RGL1: variants seen among roughly 807,000 people sequenced by gnomAD.
The protein encoded by RGL1 is ral guanine nucleotide dissociation stimulator like 1.
In RGL1, 24 loss-of-function variants were observed where a neutral mutation model predicts 95.2. That is an observed-to-expected ratio of 0.25 (90% CI 0.18 to 0.35). RGL1 has a LOEUF of 0.35. Among genes scored for constraint, RGL1 ranks in the 10% least tolerant of loss-of-function variants. The probability of loss-of-function intolerance (pLI) is 1.00; values close to 1 mark genes in which losing one functional copy is unlikely to be tolerated. For synonymous variants in RGL1, 329 were observed against 344.9 expected (o/e 0.95, Z 0.51); for missense variants, 715 against 936.3 (o/e 0.76, Z 3.08).
intron 2 of RGL1, among the ~76,000 whole-genome samples, chr1:183,748,820 T>C (rs1020612585): frequency 2.0e-5 from 3 of 152,228 alleles, no homozygotes; most frequent in African/African-American, 7.2e-5. Context: ...ATACATTGTA[T>C]CTTTGTTCTC....
At chr1:183,910,572 CT>C (rs1668588112) in intron 14 of RGL1, among the ~76,000 whole-genome samples, 1 of 152,202 alleles carries the variant, frequency 6.6e-6, no homozygotes, top group Non-Finnish European at 1.5e-5. Flanking sequence ...CTCTCCATGT[CT>C]TCTGGAACTC....
chr1:183,893,634 T>A (rs1183287611), intron 9 of RGL1, among the ~76,000 whole-genome samples: 1 of 152,216 alleles, frequency 6.6e-6, no homozygotes, highest in Admixed American at 6.5e-5. Context: ...TCTTCATGAC[T>A]GTTCCTGTCC....
chr1:183,647,182 A>G (rs999730089), intron 1 of RGL1: 1 of 153,034 alleles, frequency 6.5e-6, no homozygotes, highest in African/African-American at 2.4e-5. Flanking sequence ...GAATCACTTT[A>G]GAAAAAAATG....
chr1:183,839,357 A>T (rs1021686270), intron 2 of RGL1, among the ~76,000 whole-genome samples: 5 of 152,152 alleles, frequency 3.3e-5, no homozygotes, highest in African/African-American at 4.8e-5. Context: ...TGACACCATT[A>T]CCTTTCCAGC....
chr1:183,660,378 G>A (rs1651524241), intron 1 of RGL1, among the ~76,000 whole-genome samples: 1 of 150,342 alleles, frequency 6.7e-6, no homozygotes, highest in Non-Finnish European at 1.5e-5. Context: ...CCAAGCAAAT[G>A]CAAAACACAA....
At chr1:183,905,578 C>G (rs1179857699) in intron 13 of RGL1, among the ~76,000 whole-genome samples, 1 of 152,162 alleles carries the variant, frequency 6.6e-6, no homozygotes, top group African/African-American at 2.4e-5. Context: ...CAAGCAAAAG[C>G]TTGGTGGCCT....
At chr1:183,725,025 G>C (rs974798576) in intron 1 of RGL1, among the ~76,000 whole-genome samples, 1 of 152,016 alleles carries the variant, frequency 6.6e-6, no homozygotes, top group African/African-American at 2.4e-5. Flanking sequence ...AACGGACTCT[G>C]TTTCTTTGGG....
At chr1:183,721,824 G>T (rs1199637192) in intron 1 of RGL1, among the ~76,000 whole-genome samples, 2 of 152,178 alleles carry the variant, frequency 1.3e-5, no homozygotes, top group Non-Finnish European at 2.9e-5. Context: ...TCTTGGTTTA[G>T]CTCCCTTGCC....
In RGL1 at chr1:183,724,757, G is replaced by A. The variant is rs946614401; in HGVS notation, c.-32-17369G>A. Among the ~76,000 whole-genome samples the A allele has an allele frequency of 6.6e-6, 1 of 152,052 alleles. No individual in the cohort carries two copies. On this transcript the variant is annotated intron_variant, in intron 1 of 18. Transcript: ENST00000304685. The surrounding 1 kb of genome is among the most constrained non-coding windows in gnomAD (Gnocchi z 4.1). ...TGGGGGGAGCTTGCCATCCTTAAGCGAAGGACATGAGCATGGCTGTTTTCA... is the reference window on the plus strand; with the variant it reads ...TGGGGGGAGCTTGCCATCCTTAAGCAAAGGACATGAGCATGGCTGTTTTCA...
chr1:183,811,727 C>T (rs1256111034), intron 2 of RGL1, among the ~76,000 whole-genome samples: 1 of 152,106 alleles, frequency 6.6e-6, no homozygotes, highest in Non-Finnish European at 1.5e-5. Flanking sequence ...GAATATGTGA[C>T]ATGTAATCAA....
At position 183,672,083 on chromosome 1, in the gene RGL1, C is replaced by T. The variant is rs542340603; in HGVS notation, c.-33+35582C>T. Among the ~76,000 whole-genome samples the T allele has an allele frequency of 1.4e-3, 219 of 152,142 alleles. 1 individual carries two copies. The highest frequency in any genetic ancestry group is 2.1e-3 in the Non-Finnish European group (142 of 67,994). On this transcript the variant is annotated intron_variant, in intron 1 of 18. Transcript: ENST00000304685. ...GAGTAGCTGGGATTACAGGCACCCACCACCATGCCTGGCTAATTTTTGTAT... is the reference window on the plus strand; with the variant it reads ...GAGTAGCTGGGATTACAGGCACCCATCACCATGCCTGGCTAATTTTTGTAT...
At chr1:183,919,934 A>G (rs1399830222) in intron 16 of RGL1, among the ~76,000 whole-genome samples, 1 of 152,234 alleles carries the variant, frequency 6.6e-6, no homozygotes, top group Non-Finnish European at 1.5e-5. Context: ...CAGATTTTGA[A>G]CACTTAGTAC....
At chr1:183,925,372 A>G (rs1295812660) in intron 17 of RGL1, among the ~76,000 whole-genome samples, 1 of 152,182 alleles carries the variant, frequency 6.6e-6, no homozygotes, top group East Asian at 1.9e-4. Context: ...ATTAGGACAA[A>G]TATCTAATGC....
intron 1 of RGL1, among the ~76,000 whole-genome samples, chr1:183,714,889 G>A (rs1359287150): frequency 1.3e-5 from 2 of 152,162 alleles, no homozygotes; most frequent in Non-Finnish European, 2.9e-5. Flanking sequence ...ACTGGGAGTT[G>A]GAGGCAGTCT....
chr1:183,867,720 G>T (rs183205417), intron 4 of RGL1, among the ~76,000 whole-genome samples: 1 of 152,200 alleles, frequency 6.6e-6, no homozygotes, highest in Admixed American at 6.5e-5. Flanking sequence ...CGGGGGTGGG[G>T]GCCATTGTAG....
intron 1 of RGL1, among the ~76,000 whole-genome samples, chr1:183,646,154 A>G (rs1417371056): frequency 6.6e-6 from 1 of 152,246 alleles, no homozygotes; most frequent in African/African-American, 2.4e-5. Context: ...AATTGTGGAC[A>G]TAGGATTTCA....
intron 1 of RGL1, among the ~76,000 whole-genome samples, chr1:183,665,911 A>G (rs992148020): frequency 7.1e-6 from 1 of 140,068 alleles, no homozygotes; most frequent in Non-Finnish European, 1.6e-5. Flanking sequence ...TTATTATTTC[A>G]TTTTTTTCTG....
chr1:183,793,704 A>G (rs1259874062), intron 2 of RGL1, among the ~76,000 whole-genome samples: 1 of 152,158 alleles, frequency 6.6e-6, no homozygotes, highest in Non-Finnish European at 1.5e-5. Context: ...ATCATCAGGG[A>G]AAGACAAAAA....
chr1:183,831,065 G>A (rs1663226977), intron 2 of RGL1, among the ~76,000 whole-genome samples: 1 of 152,120 alleles, frequency 6.6e-6, no homozygotes, highest in Non-Finnish European at 1.5e-5. Flanking sequence ...CTGAACCCAT[G>A]GAGTTTACAG....
Sources: gnomAD v4.1 joint callset for allele counts (sites outside exome capture counted in the v4.1 genomes callset) on GRCh38, gnomAD v4.1.1 for gene constraint, Gnocchi (gnomAD v3.1) non-coding constraint, MANE v1.5 for transcripts, NCBI Gene and HGNC (gene_info 2026-07-23, HGNC 2026-07-21) for gene names.